PAM: variants seen among roughly 807,000 people sequenced by gnomAD.
The protein encoded by PAM is peptidyl-glycine alpha-amidating monooxygenase.
Under a neutral mutation model 122.1 loss-of-function variants are expected in PAM, and 72 were observed. The ratio of observed to expected loss-of-function variants is 0.59; its 90% confidence interval spans 0.49 to 0.72. The LOEUF is 0.72. Among genes scored for constraint, PAM ranks in the 30% least tolerant of loss-of-function variants. The probability of loss-of-function intolerance (pLI) is 0.00; values close to 1 mark genes in which losing one functional copy is unlikely to be tolerated. For missense variants in PAM, 1,106 were observed against 1,183.7 expected, an observed-to-expected ratio of 0.93 and a Z score of 0.96; for synonymous variants, 389 against 404.4, an observed-to-expected ratio of 0.96 and a Z score of 0.46.
chr5:102,782,050 T>C (rs1292521639), intron 1 of PAM, among the ~76,000 whole-genome samples: 1 of 152,234 alleles, frequency 6.6e-6, no homozygotes, highest in Non-Finnish European at 1.5e-5. Flanking sequence ...CCTTAAACTT[T>C]GAACTGAATA....
chr5:102,957,924 TA>T, intron 12 of PAM, among the ~76,000 whole-genome samples: 1 of 152,108 alleles, frequency 6.6e-6, no homozygotes, highest in Non-Finnish European at 1.5e-5. Context: ...GTAGGAAGAG[TA>T]AAAAAAGTTC....
intron 7 of PAM, among the ~76,000 whole-genome samples, chr5:102,930,030 A>T (rs1315943120): frequency 6.6e-6 from 1 of 152,080 alleles, no homozygotes; most frequent in Non-Finnish European, 1.5e-5. Context: ...ATTGGCTGTG[A>T]TTTTAGAGTG....
intron 3 of PAM, among the ~76,000 whole-genome samples, chr5:102,887,962 AGTGCTATG>A (rs1477283771): frequency 6.6e-6 from 1 of 151,934 alleles, no homozygotes; most frequent in East Asian, 1.9e-4. Context: ...CACCTTTTAG[AGTGCTATG>A]GTAGCTCTCC....
At chr5:103,025,380 G>C (rs41300805) in intron 24 of PAM, 46 bp downstream of exon 24, 134,685 of 1,465,604 alleles carry the variant, frequency 0.092, 7,219 homozygotes, top group Non-Finnish European at 0.11. Flanking sequence ...CTTTGAAAGA[G>C]TGTTTGGCCT....
At chr5:103,028,838 A>T (rs1562295773) in intron 25 of PAM, 49 bp from the exon 26 acceptor site, 1 of 1,260,726 alleles carries the variant, frequency 7.9e-7, no homozygotes, top group South Asian at 1.3e-5. Flanking sequence ...AAGGTAACAG[A>T]CATTGCTGCA....
chr5:102,890,359 C>T (rs1246945897), intron 3 of PAM, among the ~76,000 whole-genome samples: 1 of 151,820 alleles, frequency 6.6e-6, no homozygotes, highest in Non-Finnish European at 1.5e-5. Flanking sequence ...TTATCTATTG[C>T]TTTTAGTTGC....
At chr5:102,946,537 G>A (rs1390461190) in intron 7 of PAM, among the ~76,000 whole-genome samples, 2 of 148,746 alleles carry the variant, frequency 1.3e-5, no homozygotes, top group Non-Finnish European at 3.0e-5. Context: ...TGCATAGAGA[G>A]TATTAACAAC....
rs80071240 is a variant in PAM, at chr5:102,822,425, G to T, written c.-373-43398G>T. The stretch of plus-strand genomic sequence containing the variant: ...ATTCACTCATGCTAATTCCAAGCGG[G>T]ACCATTTAGCCAAACCAGTTTACCT... On this transcript the variant is annotated intron_variant, in intron 1 of 25. Coordinates refer to ENST00000438793, the MANE Select transcript of PAM (RefSeq NM_001177306.2). Among the ~76,000 whole-genome samples, 707 of 152,196 alleles carry T rather than the reference G, an allele frequency of 4.6e-3. 4 individuals carry two copies. Among genetic ancestry groups the T allele is most frequent in the African/African-American group, 0.016 (649 of 41,528 alleles).
At chr5:102,958,473 C>T (rs1761495236) in intron 12 of PAM, among the ~76,000 whole-genome samples, 1 of 152,072 alleles carries the variant, frequency 6.6e-6, no homozygotes, top group African/African-American at 2.4e-5. Flanking sequence ...TTTTATAGCA[C>T]ATACTGACCA....
chr5:102,823,403 TA>T lies in PAM; in HGVS notation c.-373-42410del, dbSNP rs992969156. ...AAAAATTAATGGTAAACCCCTACTT[TA>T]AAAAAAAAATCAAAGCCTAAAAGTT... On this transcript the variant is annotated intron_variant, in intron 1 of 25. Coordinates refer to ENST00000438793, the MANE Select transcript of PAM (RefSeq NM_001177306.2). Among the ~76,000 whole-genome samples, 28 of 150,138 alleles carry T rather than the reference TA, an allele frequency of 1.9e-4. 1 individual carries two copies. In the South Asian group the frequency reaches 1.9e-3, roughly 10 times the overall value.
intron 6 of PAM, 140 bp from the exon 7 acceptor site, chr5:102,926,445 A>G (rs978710835): frequency 1.0e-5 from 6 of 580,526 alleles, no homozygotes; most frequent in East Asian, 6.2e-5. Flanking sequence ...TTATCAGTCA[A>G]TGGTATATTT....
intron 4 of PAM, among the ~76,000 whole-genome samples, chr5:102,907,901 A>C (rs1487298852): frequency 3.3e-5 from 5 of 151,516 alleles, no homozygotes; most frequent in Non-Finnish European, 7.4e-5. Context: ...GGTTGCAAAA[A>C]TTTTCTCCCA....
intron 3 of PAM, among the ~76,000 whole-genome samples, chr5:102,888,005 G>A (rs558902177): frequency 1.3e-5 from 2 of 151,940 alleles, no homozygotes; most frequent in South Asian, 2.1e-4. Context: ...TCTTTTTCAG[G>A]GTAACCTTCA....
intron 21 of PAM, among the ~76,000 whole-genome samples, chr5:103,015,410 T>C (rs1440664994): frequency 6.6e-6 from 1 of 152,184 alleles, no homozygotes; most frequent in Non-Finnish European, 1.5e-5. Flanking sequence ...GGTGAAGATA[T>C]TATCATGCTT....
intron 12 of PAM, among the ~76,000 whole-genome samples, chr5:102,951,732 C>T (rs563211223): frequency 4.1e-4 from 62 of 152,174 alleles, no homozygotes; most frequent in African/African-American, 1.5e-3. Context: ...TTATGTCACT[C>T]TAAATGGCTT....
intron 14 of PAM, among the ~76,000 whole-genome samples, chr5:102,971,084 C>A (rs187193675): frequency 1.8e-4 from 28 of 152,268 alleles, no homozygotes; most frequent in African/African-American, 6.5e-4. Context: ...GGATTACAGG[C>A]ATGAGCCACC....
intron 5 of PAM, among the ~76,000 whole-genome samples, chr5:102,916,088 T>A (rs1561874214): frequency 6.6e-6 from 1 of 152,172 alleles, no homozygotes; most frequent in Non-Finnish European, 1.5e-5. Flanking sequence ...AGCAGTGAAC[T>A]AACTTGCTGG....
intron 15 of PAM, among the ~76,000 whole-genome samples, chr5:102,981,145 A>T (rs534715237): frequency 2.3e-4 from 35 of 152,344 alleles, no homozygotes; most frequent in Admixed American, 5.2e-4. Flanking sequence ...ACTTCCAAGC[A>T]CTTACCAGTT....
In PAM at chr5:102,766,926, ATTTTT is replaced by A; in HGVS notation, c.-374+11605_-374+11609del. Among the ~76,000 whole-genome samples the A allele has an allele frequency of 1.3e-3, 34 of 25,850 alleles. 2 individuals carry two copies. Among genetic ancestry groups the A allele is most frequent in the East Asian group, 1.0e-2 (7 of 702 alleles). 17.0% of individuals were successfully genotyped at this position (25,850 alleles called of 152,430 possible). A position where few individuals can be genotyped will look rare whatever the true frequency, so the allele number is the denominator to read the frequency against. ...ATTTATTTTATTGCTTCAGTTGTGGATTTTTTTTTTTTTTTTTTTTTTTTTTTTTT... is the reference window on the plus strand; with the variant it reads ...ATTTATTTTATTGCTTCAGTTGTGGATTTTTTTTTTTTTTTTTTTTTTTTT... On this transcript the variant is annotated intron_variant, in intron 1 of 25. Coordinates refer to ENST00000438793, the MANE Select transcript of PAM (RefSeq NM_001177306.2).
Sources: allele counts gnomAD v4.1 joint callset (sites outside exome capture counted in the v4.1 genomes callset), GRCh38; gene constraint gnomAD v4.1.1; transcripts MANE v1.5; gene names NCBI Gene and HGNC (gene_info 2026-07-23, HGNC 2026-07-21).